Variants in EGF observed in about 807,000 individuals in gnomAD.
EGF encodes the protein epidermal growth factor.
Under a neutral mutation model 143.8 loss-of-function variants are expected in EGF, and 95 were observed. The ratio of observed to expected loss-of-function variants is 0.66; its 90% CI spans 0.56 to 0.78. The LOEUF (loss-of-function observed/expected upper bound fraction) is 0.78. Among genes scored for constraint, EGF ranks in the 30% least tolerant of loss-of-function variants. The pLI, the probability that EGF is intolerant of heterozygous loss-of-function variation, is 0.00. For synonymous variants in EGF, 510 were observed against 510.5 expected (o/e 1.00, Z 0.01); for missense variants, 1,320 against 1,470.9 (o/e 0.90, Z 1.68).
At chr4:109,997,713 G>A (rs1752015662) in intron 20 of EGF, among the ~76,000 whole-genome samples, 1 of 152,082 alleles carries the variant, frequency 6.6e-6, no homozygotes, top group Non-Finnish European at 1.5e-5. Context: ...GCCTCCCAAA[G>A]TTAGCCAGGT....
chr4:109,971,781 ATATT>A (rs945982682), intron 11 of EGF, among the ~76,000 whole-genome samples: 13 of 152,202 alleles, frequency 8.5e-5, no homozygotes, highest in Non-Finnish European at 1.5e-4. Flanking sequence ...CAATCTCATA[ATATT>A]AGATCACATG....
chr4:109,914,384 A>T (rs913062714), intron 1 of EGF, among the ~76,000 whole-genome samples: 3 of 152,190 alleles, frequency 2.0e-5, no homozygotes, highest in African/African-American at 7.2e-5. Context: ...CAGTTTCCAG[A>T]AGAGACACCT....
chr4:109,986,907 A>G (rs1750210817), intron 16 of EGF, among the ~76,000 whole-genome samples: 1 of 152,240 alleles, frequency 6.6e-6, no homozygotes. Context: ...GCAAGTCACT[A>G]CATAAATCTT....
At chr4:109,953,672 C>G (rs998544624) in intron 5 of EGF, among the ~76,000 whole-genome samples, 83 of 152,244 alleles carry the variant, frequency 5.5e-4, no homozygotes, top group African/African-American at 1.9e-3. Flanking sequence ...TACTATCTTT[C>G]TCTGGAAGGA....
chr4:110,001,224 G>T (rs922850503), intron 21 of EGF, among the ~76,000 whole-genome samples: 2 of 152,232 alleles, frequency 1.3e-5, no homozygotes, highest in Non-Finnish European at 2.9e-5. Flanking sequence ...GTTATTGTGA[G>T]ATTAATTGGG....
intron 2 of EGF, among the ~76,000 whole-genome samples, chr4:109,941,703 A>G (rs760248611): frequency 1.3e-5 from 2 of 152,234 alleles, no homozygotes; most frequent in Non-Finnish European, 2.9e-5. Flanking sequence ...TTTTATCTGT[A>G]TAAAATCTCC....
chr4:109,928,736 AT>A (rs1739192029), intron 1 of EGF, among the ~76,000 whole-genome samples: 1 of 152,138 alleles, frequency 6.6e-6, no homozygotes, highest in Non-Finnish European at 1.5e-5. Flanking sequence ...TCAGTCTGGA[AT>A]TTGGTTGTCC....
At position 109,992,661 on chromosome 4, in the gene EGF, A is replaced by G. The variant is rs867147494; in HGVS notation, c.2735-586A>G. ...ACACATGCACACGTATGTTTATTGCAGCACTATTCACAATAGCAAAGACTT... is the reference window on the plus strand; with the variant it reads ...ACACATGCACACGTATGTTTATTGCGGCACTATTCACAATAGCAAAGACTT... On this transcript the variant is annotated intron_variant, in intron 18 of 23. Coordinates refer to ENST00000265171, the MANE Select transcript of EGF (RefSeq NM_001963.6). Among the ~76,000 whole-genome samples the G allele has an allele frequency of 8.0e-4, 122 of 152,200 alleles. No individual in the cohort carries two copies. In the Middle Eastern group the frequency reaches 0.014, roughly 17 times the overall value.
intron 5 of EGF, among the ~76,000 whole-genome samples, chr4:109,953,264 C>T (rs940008515): frequency 6.6e-6 from 1 of 152,184 alleles, no homozygotes; most frequent in East Asian, 1.9e-4. Context: ...CAGCCTGGTC[C>T]AGCCACTGCA....
In EGF at chr4:109,993,285, G is replaced by A; in HGVS notation, c.2773G>A (p.Glu925Lys). The change falls in exon 19 of 24, where the codon GAG becomes AAG. Residue 925 changes from glutamate (E) to lysine (K), a missense_variant. This residue lies in a region of EGF where 1,186 missense variants were observed against 1,313.7 expected (regional missense o/e 0.90). Transcript: ENST00000265171. ...ECQLGEHSCG[E>K]NASCTNTEGG... ...CCAACTGGGGGAGCACAGCTGTGGA[G>A]AGAATGCCAGCTGCACAAATACAGA... 1 of 1,613,866 alleles carries A rather than the reference G, an allele frequency of 6.2e-7. No individual in the cohort carries two copies. The highest frequency in any genetic ancestry group is 8.5e-7 in the Non-Finnish European group (1 of 1,179,914).
At position 109,945,136 on chromosome 4, in the gene EGF, G is replaced by A; in HGVS notation, c.801G>A (p.Lys267=). 1.2e-6 allele frequency: 2 copies of A among 1,614,104 alleles called. No individual in the cohort carries two copies. Among genetic ancestry groups the A allele is most frequent in the Non-Finnish European group, 1.7e-6 (2 of 1,180,034 alleles). ...DRIFYSTWKM[K]TIWIANKHTG... ...TCTTCTATTCAACATGGAAAATGAA[G>A]ACAATTTGGATAGCCAACAAACACA... Residue 267 remains lysine (K), a synonymous_variant, in exon 5 of 24, where the codon AAG becomes AAA. Coordinates refer to ENST00000265171, the MANE Select transcript of EGF (RefSeq NM_001963.6).
Position 110,011,450 on chromosome 4 carries a change from CA to C in EGF, c.3620del (p.Gln1207ArgfsTer6), listed in dbSNP as rs781020150. Reference sequence around the variant, plus strand: ...CCCACCACACCAAATGGAGCTGACTCAGTGAAAACTGGAATTAAAAGGAAAG... The same window carrying C: ...CCCACCACACCAAATGGAGCTGACTCGTGAAAACTGGAATTAAAAGGAAAG... ...LDPPHQMELTQ is the reference protein window; with the variant it reads ...LDPPHQMELTX On this transcript the variant is annotated frameshift_variant, in exon 24 of 24. Transcript: ENST00000265171. LOFTEE classifies it high-confidence loss of function. The C allele has an allele frequency of 1.9e-6, 3 of 1,614,058 alleles. No homozygotes were observed. The African/African-American group carries it at 4.0e-5, about 22-fold the overall frequency.
intron 5 of EGF, among the ~76,000 whole-genome samples, chr4:109,946,457 G>C (rs1742882138): frequency 6.6e-6 from 1 of 152,038 alleles, no homozygotes; most frequent in Non-Finnish European, 1.5e-5. Flanking sequence ...CTCTTCCTTG[G>C]CTTAGACTTC....
intron 20 of EGF, among the ~76,000 whole-genome samples, chr4:109,995,261 G>A (rs1280349773): frequency 6.6e-6 from 1 of 152,048 alleles, no homozygotes; most frequent in African/African-American, 2.4e-5. Context: ...GTGAGCATCC[G>A]TGATCTGTTT....
At chr4:109,953,153 G>A (rs1425583644) in intron 5 of EGF, among the ~76,000 whole-genome samples, 1 of 152,138 alleles carries the variant, frequency 6.6e-6, no homozygotes, top group Non-Finnish European at 1.5e-5. Flanking sequence ...CACTGCAGGT[G>A]GTTCTGTAAG....
chr4:109,917,349 T>C (rs1248009372), intron 1 of EGF, among the ~76,000 whole-genome samples: 1 of 152,260 alleles, frequency 6.6e-6, no homozygotes, highest in Non-Finnish European at 1.5e-5. Flanking sequence ...TGATTGTTTC[T>C]ATCAAAAGTA....
In EGF at chr4:110,013,702, T is replaced by G. The variant is rs1754168599; in HGVS notation, c.*2247T>G. ...AGCTTCTGTTTGACTAAATATCACCTACTATGTAAAAAATGAGCATATTGG... is the reference window on the plus strand; with the variant it reads ...AGCTTCTGTTTGACTAAATATCACCGACTATGTAAAAAATGAGCATATTGG... On this transcript the variant is annotated 3_prime_UTR_variant, in exon 24 of 24. Coordinates refer to ENST00000265171, the MANE Select transcript of EGF (RefSeq NM_001963.6). 6.6e-6 allele frequency among the ~76,000 whole-genome samples: 1 copy of G among 152,114 alleles called. No individual in the cohort carries two copies. The highest frequency in any genetic ancestry group is 2.4e-5 in the African/African-American group (1 of 41,434).
In EGF at chr4:109,945,208, A is replaced by G; in HGVS notation, c.873A>G (p.Pro291=). ...TTAACCTCCATTCATCATTTGTACCACTTGGTGAACTGAAAGTAGTGCATC... is the reference window on the plus strand; with the variant it reads ...TTAACCTCCATTCATCATTTGTACCGCTTGGTGAACTGAAAGTAGTGCATC... ...VRINLHSSFV[P]LGELKVVHPL... Residue 291 remains proline (P), a synonymous_variant, in exon 5 of 24, where the codon CCA becomes CCG. Transcript: ENST00000265171. 1 of 1,614,098 alleles carries G rather than the reference A, an allele frequency of 6.2e-7. No individual in the cohort carries two copies. Among genetic ancestry groups the G allele is most frequent in the Non-Finnish European group, 8.5e-7 (1 of 1,180,016 alleles).
rs1446715955 is a variant in EGF at position 109,999,826 on chromosome 4, G to A, written c.3153G>A (p.Leu1051=). Residue 1051 remains leucine (L), a synonymous_variant, in exon 21 of 24, where the codon CTG becomes CTA. Coordinates refer to ENST00000265171, the MANE Select transcript of EGF (RefSeq NM_001963.6). The stretch of plus-strand genomic sequence containing the variant: ...TTGTCATGCTGCTCCTCCTGAGCCT[G>A]TGGGGGGCCCACTACTACAGGTGAC... ...VVLVMLLLLS[L]WGAHYYRTQK... is the part of the protein sequence containing the mutation. The A allele has an allele frequency of 3.1e-6, 5 of 1,613,444 alleles. No individual in the cohort carries two copies. The highest frequency in any genetic ancestry group is 4.2e-6 in the Non-Finnish European group (5 of 1,180,042).
Sources: gnomAD v4.1 joint callset for allele counts (sites outside exome capture counted in the v4.1 genomes callset) on GRCh38, gnomAD v4.1.1 for gene constraint, gnomAD v4.1.1 regional missense constraint, MANE v1.5 for transcripts, NCBI Gene and HGNC (gene_info 2026-07-23, HGNC 2026-07-21) for gene names.